Variants in LAMA2 observed in about 807,000 individuals in gnomAD.
LAMA2 encodes laminin subunit alpha 2, also known as laminin subunit alpha-2.
In LAMA2, 269 loss-of-function variants were observed where a neutral mutation model predicts 364.8. The ratio of observed to expected loss-of-function variants is 0.74; its 90% CI spans 0.67 to 0.82. The LOEUF is 0.82. LAMA2 is among the 40% of genes least tolerant of loss of function. The probability of loss-of-function intolerance (pLI) is 0.00; values close to 1 mark genes in which losing one functional copy is unlikely to be tolerated. For missense variants in LAMA2, 3,807 were observed against 3,873.2 expected, an observed-to-expected ratio of 0.98 and a Z score of 0.45; for synonymous variants, 1,379 against 1,370.6, an observed-to-expected ratio of 1.01 and a Z score of -0.14.
intron 1 of LAMA2, among the ~76,000 whole-genome samples, chr6:128,994,659 G>T (rs1783814107): frequency 6.6e-6 from 1 of 152,156 alleles, no homozygotes; most frequent in East Asian, 1.9e-4. Flanking sequence ...CTACTGTATA[G>T]AAATTTAGTA....
intron 34 of LAMA2, among the ~76,000 whole-genome samples, chr6:129,376,966 G>C (rs1476451092): frequency 6.6e-6 from 1 of 152,082 alleles, no homozygotes; most frequent in African/African-American, 2.4e-5. Flanking sequence ...GTCAATATTT[G>C]TTTAATTAAT....
At chr6:128,960,235 A>G (rs1201855530) in intron 1 of LAMA2, among the ~76,000 whole-genome samples, 5 of 151,398 alleles carry the variant, frequency 3.3e-5, no homozygotes, top group Non-Finnish European at 7.4e-5. Flanking sequence ...TTATTTAACA[A>G]TGTGTTATTT....
intron 13 of LAMA2, 89 bp downstream of exon 13, chr6:129,250,302 A>C: frequency 1.2e-6 from 1 of 825,772 alleles, no homozygotes; most frequent in Non-Finnish European, 2.1e-6. Flanking sequence ...CTGGTTTGAC[A>C]CTGACTTACA....
intron 16 of LAMA2, 134 bp downstream of exon 16, chr6:129,267,353 A>C: frequency 1.4e-6 from 1 of 737,192 alleles, no homozygotes; most frequent in Non-Finnish European, 2.5e-6. Flanking sequence ...CTTTGTATTG[A>C]ACTGAATTGG....
In LAMA2 at chr6:129,481,244, TCTTTTC is replaced by T. The variant is rs762620644; in HGVS notation, c.7573-14_7573-9del. 1 of 1,608,594 alleles carries T rather than the reference TCTTTTC, an allele frequency of 6.2e-7. No individual in the cohort carries two copies. The highest frequency in any genetic ancestry group is 2.2e-5 in the East Asian group (1 of 44,822). ...TTTCATTTCTAATGGTTTCTACTCT[TCTTTTC>T]CTTTACTCACAGAATGTTTACACAG... On this transcript the variant is annotated splice_polypyrimidine_tract_variant and intron_variant, in intron 54 of 64. Transcript: ENST00000421865.
At chr6:129,006,253 T>C (rs1784437886) in intron 1 of LAMA2, among the ~76,000 whole-genome samples, 1 of 152,184 alleles carries the variant, frequency 6.6e-6, no homozygotes, top group Non-Finnish European at 1.5e-5. Flanking sequence ...GGTGTTAACA[T>C]ATACTATGTA....
At chr6:129,106,875 A>AATAT (rs1554219037) in intron 4 of LAMA2, among the ~76,000 whole-genome samples, 70 of 142,650 alleles carry the variant, frequency 4.9e-4, no homozygotes, top group African/African-American at 1.5e-3. Flanking sequence ...AAAAAAAAAA[A>AATAT]ATATATATAT....
chr6:128,967,718 C>G (rs975346986), intron 1 of LAMA2, among the ~76,000 whole-genome samples: 1 of 152,118 alleles, frequency 6.6e-6, no homozygotes, highest in Non-Finnish European at 1.5e-5. Context: ...TCAAAGGACT[C>G]CATTCTCACC....
rs1781383036 is a variant in LAMA2, at chr6:129,188,999, G to T, written c.1468-1206G>T. ...TTTGCTATGCATGAAAAACATGACT[G>T]CCAAGAGATTTATTTGAACTTAATA... On this transcript the variant is annotated intron_variant, in intron 10 of 64. Transcript: ENST00000421865. 3.3e-5 allele frequency among the ~76,000 whole-genome samples: 5 copies of T among 152,102 alleles called. No individual in the cohort carries two copies. In the South Asian group the frequency reaches 1.0e-3, roughly 32 times the overall value.
At chr6:129,462,773 GC>G (rs1783324657) in intron 49 of LAMA2, among the ~76,000 whole-genome samples, 1 of 151,692 alleles carries the variant, frequency 6.6e-6, no homozygotes, top group Non-Finnish European at 1.5e-5. Context: ...TTTATTTGTT[GC>G]TTTCAGGAAA....
intron 54 of LAMA2, among the ~76,000 whole-genome samples, chr6:129,480,124 A>G (rs1784277213): frequency 6.6e-6 from 1 of 152,226 alleles, no homozygotes; most frequent in Non-Finnish European, 1.5e-5. Context: ...TGATGTGGAT[A>G]AATATTGAAA....
At chr6:129,465,351 A>G in intron 51 of LAMA2, 62 bp downstream of exon 51, 1 of 1,337,004 alleles carries the variant, frequency 7.5e-7, no homozygotes, top group Admixed American at 1.7e-5. Flanking sequence ...GTGCACATGT[A>G]CCTGATCAAG....
At chr6:128,928,150 G>A (rs1779213845) in intron 1 of LAMA2, among the ~76,000 whole-genome samples, 1 of 152,300 alleles carries the variant, frequency 6.6e-6, no homozygotes, top group South Asian at 2.1e-4. Context: ...AAGCACAGAG[G>A]TATGAGAAGT....
At chr6:129,435,855 G>A (rs1421454507) in intron 41 of LAMA2, among the ~76,000 whole-genome samples, 2 of 152,018 alleles carry the variant, frequency 1.3e-5, no homozygotes, top group African/African-American at 2.4e-5. Context: ...ACAGATGCAG[G>A]CCAACAAAGA....
chr6:129,423,601 G>A (rs1781185106), intron 40 of LAMA2, among the ~76,000 whole-genome samples: 1 of 151,950 alleles, frequency 6.6e-6, no homozygotes, highest in African/African-American at 2.4e-5. Flanking sequence ...TAATAAGTGA[G>A]CTTACCAATG....
intron 3 of LAMA2, among the ~76,000 whole-genome samples, chr6:129,061,936 G>A (rs1249219665): frequency 2.0e-5 from 3 of 152,254 alleles, no homozygotes; most frequent in Non-Finnish European, 4.4e-5. Flanking sequence ...GTAGAAGAAG[G>A]GGAATTCAAG....
In LAMA2 at chr6:129,403,934, A is replaced by G; in HGVS notation, c.5840A>G (p.Asp1947Gly). ...EAEKVAKEAK[D>G]LAHEATKLAT... is the part of the protein sequence containing the mutation. ...GAGAAAGTTGCCAAAGAAGCCAAAG[A>G]TCTTGCACATGAAGCTACAAAACTG... The change falls in exon 40 of 65, where the codon GAT (aspartate) becomes GGT (glycine). Residue 1947 changes from aspartate to glycine, a missense_variant. Around this residue, in one of 3 missense-constraint regions of LAMA2, gnomAD observed 3,333 missense variants for 3,345.7 expected, o/e 1.00. Coordinates refer to ENST00000421865, the MANE Select transcript of LAMA2 (RefSeq NM_000426.4). 6.2e-7 allele frequency: 1 copy of G among 1,613,972 alleles called. No homozygotes were observed. Among genetic ancestry groups the G allele is most frequent in the Non-Finnish European group, 8.5e-7 (1 of 1,179,880 alleles).
chr6:129,139,808 A>C (rs1778011020), intron 4 of LAMA2, among the ~76,000 whole-genome samples: 1 of 152,132 alleles, frequency 6.6e-6, no homozygotes, highest in African/African-American at 2.4e-5. Flanking sequence ...CTCAAGCTAC[A>C]CATATGGATT....
intron 3 of LAMA2, among the ~76,000 whole-genome samples, chr6:129,071,965 C>T (rs1390993217): frequency 6.6e-6 from 1 of 151,864 alleles, no homozygotes; most frequent in Non-Finnish European, 1.5e-5. Flanking sequence ...TCATCTCTAC[C>T]AAACAAAACA....
Sources: gnomAD v4.1 joint callset for allele counts (sites outside exome capture counted in the v4.1 genomes callset) on GRCh38, gnomAD v4.1.1 for gene constraint, gnomAD v4.1.1 regional missense constraint, MANE v1.5 for transcripts, NCBI Gene and HGNC (gene_info 2026-07-23, HGNC 2026-07-21) for gene names.